Variants in MYO5B observed in about 807,000 individuals in gnomAD.
MYO5B encodes the protein myosin VB.
A neutral mutation model predicts 229.3 loss-of-function variants in MYO5B; 143 were observed. That is an observed-to-expected ratio of 0.62 (90% confidence interval 0.54 to 0.72). MYO5B has a LOEUF of 0.72. Among genes scored for constraint, MYO5B ranks in the 30% least tolerant of loss-of-function variants. The pLI is 0.00. For missense variants in MYO5B, 2,321 were observed against 2,331.0 expected (o/e 1.00, Z 0.09); for synonymous variants, 918 against 885.2 (o/e 1.04, Z -0.66).
chr18:49,850,019 G>A (rs564707479), intron 31 of MYO5B: 168 of 367,778 alleles, frequency 4.6e-4, no homozygotes, highest in Admixed American at 6.1e-4. Context: ...GGCGGGCAGC[G>A]CCCTGGGAAG....
At chr18:50,075,955 C>T (rs73446649) in intron 1 of MYO5B, among the ~76,000 whole-genome samples, 13,984 of 152,234 alleles carry the variant, frequency 0.092, 1,208 homozygotes, top group African/African-American at 0.23. Flanking sequence ...ATCAGAAGGG[C>T]TGGACTTTGA....
chr18:49,882,626 C>CAAAAA (rs10683323), intron 22 of MYO5B, among the ~76,000 whole-genome samples: 4 of 93,830 alleles, frequency 4.3e-5, no homozygotes, highest in Admixed American at 2.7e-4. Flanking sequence ...GAAATCATCT[C>CAAAAA]AAAAAAAAAA....
intron 1 of MYO5B, among the ~76,000 whole-genome samples, chr18:50,145,053 C>G (rs2032477919): frequency 6.6e-6 from 1 of 152,118 alleles, no homozygotes. Context: ...CTCAGTGCTT[C>G]CCTTCAGGAG....
In MYO5B at chr18:49,826,626, A is replaced by G; in HGVS notation, c.5395-3T>C. 6.2e-7 allele frequency: 1 copy of G among 1,612,818 alleles called. No homozygotes were observed. Among genetic ancestry groups the G allele is most frequent in the Non-Finnish European group, 8.5e-7 (1 of 1,179,816 alleles). ...TCATTCCGCTCTTGTAGTTGTGCCT[A>G]TGGGGAAGAATAAGACCATGTAAAG... On this transcript the variant is annotated splice_region_variant and splice_polypyrimidine_tract_variant and intron_variant, in intron 39 of 39. Transcript: ENST00000285039.
intron 5 of MYO5B, among the ~76,000 whole-genome samples, chr18:49,996,289 C>T (rs2025986357): frequency 6.6e-6 from 1 of 152,184 alleles, no homozygotes; most frequent in Admixed American, 6.5e-5. Flanking sequence ...ACTGAACATG[C>T]ATGCACCTAA....
chr18:50,158,692 A>G (rs2032719137), intron 1 of MYO5B, among the ~76,000 whole-genome samples: 1 of 152,192 alleles, frequency 6.6e-6, no homozygotes, highest in African/African-American at 2.4e-5. Flanking sequence ...TTTTTTCCAA[A>G]GTCAGAGTCC....
At position 49,839,227 on chromosome 18, in the gene MYO5B, T is replaced by A; in HGVS notation, c.4769A>T (p.Tyr1590Phe). 6.2e-7 allele frequency: 1 copy of A among 1,614,122 alleles called. No homozygotes were observed. The highest frequency in any genetic ancestry group is 8.5e-7 in the Non-Finnish European group (1 of 1,180,016). ...GGAAAGGTCACTCAGCACCTGACGG[T>A]ATTCGGTGAGGTCAAAATTCTTAAG... ...HCLKNFDLTE[Y>F]RQVLSDLSIQ... The change falls in exon 36 of 40, where the codon TAC (tyrosine) becomes TTC (phenylalanine). Residue 1590 changes from tyrosine (Y) to phenylalanine (F), a missense_variant. Physicochemically the swap from Tyr to Phe is conservative, Grantham distance 22 (BLOSUM62 3). Coordinates refer to ENST00000285039, the MANE Select transcript of MYO5B (RefSeq NM_001080467.3).
At chr18:50,025,012 C>T (rs1223060107) in intron 4 of MYO5B, among the ~76,000 whole-genome samples, 3 of 152,176 alleles carry the variant, frequency 2.0e-5, no homozygotes, top group South Asian at 4.2e-4. Context: ...ATTCAGTGTT[C>T]ATGAGGTCGG....
In MYO5B at chr18:49,882,870, A is replaced by T. The variant is rs142610940; in HGVS notation, c.3046-2415T>A. On this transcript the variant is annotated intron_variant, in intron 22 of 39. Transcript: ENST00000285039. ...AATTCTTCCAAAAATTAGAAGGAACACTTCCCAATTCCATTCTATGAGGCC... is the reference window on the plus strand; with the variant it reads ...AATTCTTCCAAAAATTAGAAGGAACTCTTCCCAATTCCATTCTATGAGGCC... Among the ~76,000 whole-genome samples the T allele has an allele frequency of 2.0e-5, 3 of 152,272 alleles. No homozygotes were observed. The East Asian group carries it at 5.8e-4, about 29-fold the overall frequency.
At chr18:49,902,229 CCT>C (rs1017741121) in intron 21 of MYO5B, among the ~76,000 whole-genome samples, 1 of 152,182 alleles carries the variant, frequency 6.6e-6, no homozygotes, top group Non-Finnish European at 1.5e-5. Flanking sequence ...ATCCCTCCCA[CCT>C]CTGATTCTGT....
chr18:49,937,581 C>T (rs1409996932), intron 14 of MYO5B, among the ~76,000 whole-genome samples, 184 bp from the exon 15 acceptor site: 1 of 152,144 alleles, frequency 6.6e-6, no homozygotes, highest in Non-Finnish European at 1.5e-5. Flanking sequence ...AACCCAAATA[C>T]CAACTGATGA....
intron 39 of MYO5B, among the ~76,000 whole-genome samples, chr18:49,832,262 G>T (rs515324): frequency 6.6e-6 from 1 of 152,048 alleles, no homozygotes; most frequent in African/African-American, 2.4e-5. Flanking sequence ...GTGAGGATTT[G>T]AAGAGTTAAC....
intron 1 of MYO5B, among the ~76,000 whole-genome samples, chr18:50,157,927 T>C (rs529631827): frequency 3.3e-4 from 50 of 152,338 alleles, no homozygotes; most frequent in African/African-American, 1.2e-3. Flanking sequence ...AAGATCCATA[T>C]ACTTGTTCAA....
At chr18:49,978,197 C>T (rs919204031) in intron 9 of MYO5B, among the ~76,000 whole-genome samples, 1 of 152,182 alleles carries the variant, frequency 6.6e-6, no homozygotes, top group Non-Finnish European at 1.5e-5. Context: ...ATCCTCCATC[C>T]ATGCCTCCCT....
intron 8 of MYO5B, 121 bp from the exon 9 acceptor site, chr18:49,980,674 ACTC>A: frequency 1.4e-6 from 1 of 731,328 alleles, no homozygotes; most frequent in Non-Finnish European, 2.4e-6. Flanking sequence ...TGACCCGATG[ACTC>A]CTAAAATGAT....
At chr18:50,053,262 C>G (rs1481392027) in intron 2 of MYO5B, among the ~76,000 whole-genome samples, 2 of 152,186 alleles carry the variant, frequency 1.3e-5, no homozygotes, top group Non-Finnish European at 2.9e-5. Flanking sequence ...CCAGGCTTCC[C>G]TTCCAATTAC....
chr18:49,879,767 C>T (rs1257876621), intron 23 of MYO5B, among the ~76,000 whole-genome samples: 1 of 152,120 alleles, frequency 6.6e-6, no homozygotes, highest in Non-Finnish European at 1.5e-5. Flanking sequence ...TCCTCCACAG[C>T]CGAGTGGCAC....
chr18:49,858,534 A>G (rs1224212705), intron 29 of MYO5B, among the ~76,000 whole-genome samples: 1 of 152,188 alleles, frequency 6.6e-6, no homozygotes, highest in Non-Finnish European at 1.5e-5. Context: ...CCCCCCAGGG[A>G]GGGGCTGCTG....
intron 22 of MYO5B, among the ~76,000 whole-genome samples, chr18:49,890,458 G>T (rs2024698386): frequency 6.6e-6 from 1 of 152,176 alleles, no homozygotes; most frequent in Non-Finnish European, 1.5e-5. Flanking sequence ...CAGCTTATCA[G>T]AATCAACACT....
Sources: allele counts gnomAD v4.1 joint callset (sites outside exome capture counted in the v4.1 genomes callset), GRCh38; gene constraint gnomAD v4.1.1; transcripts MANE v1.5; gene names NCBI Gene and HGNC (gene_info 2026-07-23, HGNC 2026-07-21).